Variants in KIAA1958 observed in about 807,000 individuals in gnomAD.
KIAA1958 encodes the protein KIAA1958.
A neutral mutation model predicts 47.2 loss-of-function variants in KIAA1958; 14 were observed. The observed-to-expected ratio is 0.30, with a 90% CI of 0.20 to 0.46. The LOEUF is 0.46. Among genes scored for constraint, KIAA1958 ranks in the 20% least tolerant of loss-of-function variants. The pLI is 1.00. For synonymous variants in KIAA1958, 354 were observed against 353.3 expected (o/e 1.00, Z -0.02); for missense variants, 803 against 909.2 (o/e 0.88, Z 1.50).
chr9:112,537,482 A>G (rs1834876225), intron 1 of KIAA1958, among the ~76,000 whole-genome samples: 1 of 152,268 alleles, frequency 6.6e-6, no homozygotes, highest in Admixed American at 6.5e-5. Flanking sequence ...CAGTAAGGCT[A>G]AGATAGACAA....
Position 112,659,734 on chromosome 9 carries a change from C to T in KIAA1958, c.1816C>T (p.Arg606Trp), listed in dbSNP as rs1285456723. ...GACGGACAGCGTCAAGCGGGAGAGT[C>T]GGAGCGGCTCCACCAGAGTGTGTCA... ...ARTDSVKRES[R>W]SGSTRVCHGK... is the part of the protein sequence containing the mutation. The change falls in exon 4 of 4, where the codon CGG becomes TGG. Residue 606 changes from arginine (R) to tryptophan (W), a missense_variant. Physicochemically the swap from Arg to Trp is moderately radical, Grantham distance 101 (BLOSUM62 -3). This residue lies in a region of KIAA1958 where 761 missense variants were observed against 829.3 expected (regional missense o/e 0.92). Transcript: ENST00000337530. 1.9e-6 allele frequency: 3 copies of T among 1,614,158 alleles called. No individual in the cohort carries two copies. The highest frequency in any genetic ancestry group is 1.7e-5 in the Admixed American group (1 of 60,026).
intron 1 of KIAA1958, among the ~76,000 whole-genome samples, chr9:112,565,319 G>C (rs147557896): frequency 1.3e-5 from 2 of 152,274 alleles, no homozygotes; most frequent in East Asian, 3.9e-4. Context: ...GCCTAGGCTG[G>C]TCTCAAACCC....
rs141783982 is a variant in KIAA1958, at chr9:112,633,208, T to C, written c.1172-12442T>C. Among the ~76,000 whole-genome samples, 237 of 151,220 alleles carry C rather than the reference T, an allele frequency of 1.6e-3. 1 individual carries two copies. Among genetic ancestry groups the C allele is most frequent in the African/African-American group, 5.6e-3 (231 of 41,394 alleles). ...AAATTACAGTGGTGTTATGATACTT[T>C]TTTTTTTTTTTAGGGCAACTCCTCC... is the stretch of plus-strand genomic sequence containing the variant. On this transcript the variant is annotated intron_variant, in intron 2 of 3. Transcript: ENST00000337530.
rs775784006 is a variant in KIAA1958, at chr9:112,574,394, G to A, written c.314G>A (p.Arg105Lys). Reference protein sequence around the residue: ...QTSPVERYPGRPVKAKLDCNR... With the variant: ...QTSPVERYPGKPVKAKLDCNR... ...AGCCCTGTTGAAAGGTACCCTGGGA[G>A]ACCAGTGAAAGCAAAGCTAGACTGT... The change falls in exon 2 of 4, where the codon AGA (arginine) becomes AAA (lysine). Residue 105 changes from arginine to lysine, a missense_variant. Coordinates refer to ENST00000337530, the MANE Select transcript of KIAA1958 (RefSeq NM_133465.4). 2 of 1,614,148 alleles carry A rather than the reference G, an allele frequency of 1.2e-6. No individual in the cohort carries two copies. Among genetic ancestry groups the A allele is most frequent in the Non-Finnish European group, 1.7e-6 (2 of 1,180,008 alleles).
At position 112,660,189 on chromosome 9, in the gene KIAA1958, C is replaced by G; in HGVS notation, c.*120C>G. The G allele has an allele frequency of 1.3e-6, 1 of 790,772 alleles. No individual in the cohort carries two copies. The highest frequency in any genetic ancestry group is 2.0e-6 in the Non-Finnish European group (1 of 494,128). The allele number at this position is 790,772 out of a possible 1,614,324, so 49.0% of individuals were successfully genotyped here. ...GTGACCTCCCGGTCTGGCGGCTCTC[C>G]CCTGGTGTGGCCTGCCCTCCCTTTG... On this transcript the variant is annotated 3_prime_UTR_variant, in exon 4 of 4. Transcript: ENST00000337530.
chr9:112,659,748 C>T lies in KIAA1958; in HGVS notation c.1830C>T (p.Thr610=). Residue 610 remains threonine, a synonymous_variant, in exon 4 of 4, where the codon ACC becomes ACT. Transcript: ENST00000337530. ...AGCGGGAGAGTCGGAGCGGCTCCAC[C>T]AGAGTGTGTCACGGGAAGATCTACC... is the stretch of plus-strand genomic sequence containing the variant. ...SVKRESRSGS[T]RVCHGKIYHE... The T allele has an allele frequency of 1.2e-6, 2 of 1,614,194 alleles. No individual in the cohort carries two copies. The highest frequency in any genetic ancestry group is 1.7e-6 in the Non-Finnish European group (2 of 1,180,022).
At chr9:112,600,238 A>C (rs1473020244) in intron 2 of KIAA1958, among the ~76,000 whole-genome samples, 1 of 152,142 alleles carries the variant, frequency 6.6e-6, no homozygotes, top group Non-Finnish European at 1.5e-5. Flanking sequence ...CGCACCTGTC[A>C]TCTGGTCTCC....
chr9:112,613,631 A>G (rs1836364435), intron 2 of KIAA1958, among the ~76,000 whole-genome samples: 1 of 76,524 alleles, frequency 1.3e-5, no homozygotes. Context: ...CTACAAACAG[A>G]AAAAAGCAGA....
chr9:112,575,745 G>A lies in KIAA1958; in HGVS notation c.1171+494G>A, dbSNP rs374203467. 1.2e-4 allele frequency among the ~76,000 whole-genome samples: 19 copies of A among 152,074 alleles called. No homozygotes were observed. In the East Asian group the frequency reaches 2.7e-3, roughly 22 times the overall value. Reference sequence around the variant, plus strand: ...TGGTAGTTAATAAGTATTTTAAAAAGCAATGTACATTTCTAAAAGAGGTAT... The same window carrying A: ...TGGTAGTTAATAAGTATTTTAAAAAACAATGTACATTTCTAAAAGAGGTAT... On this transcript the variant is annotated intron_variant, in intron 2 of 3. Coordinates refer to ENST00000337530, the MANE Select transcript of KIAA1958 (RefSeq NM_133465.4).
At chr9:112,549,640 A>T (rs4979134) in intron 1 of KIAA1958, among the ~76,000 whole-genome samples, 1 of 152,212 alleles carries the variant, frequency 6.6e-6, no homozygotes, top group Admixed American at 6.5e-5. Context: ...AGACATTTAA[A>T]TAGGGTAACA....
chr9:112,520,350 A>G (rs1158490092), intron 1 of KIAA1958, among the ~76,000 whole-genome samples: 3 of 152,240 alleles, frequency 2.0e-5, no homozygotes, highest in Non-Finnish European at 4.4e-5. Context: ...GATATATTGC[A>G]TTAGTTCTGC....
At chr9:112,656,628 G>C (rs1693405) in intron 3 of KIAA1958, among the ~76,000 whole-genome samples, 52 of 152,084 alleles carry the variant, frequency 3.4e-4, no homozygotes, top group Admixed American at 1.3e-4. Flanking sequence ...ATTTGGGCTA[G>C]AAAAAAATGA....
chr9:112,659,855 T>TG lies in KIAA1958; in HGVS notation c.1939dup (p.Glu647GlyfsTer23), dbSNP rs765044282. On this transcript the variant is annotated frameshift_variant, in exon 4 of 4. Transcript: ENST00000337530. LOFTEE classifies it high-confidence loss of function. Reference sequence around the variant, plus strand: ...TACATCCACCGGCCGCCCACCCAAATGGAGGCCAAGTCCCCCTTCTACCTG... The same window carrying TG: ...TACATCCACCGGCCGCCCACCCAAATGGGAGGCCAAGTCCCCCTTCTACCTG... 6 of 1,613,892 alleles carry TG rather than the reference T, an allele frequency of 3.7e-6. No homozygotes were observed. The South Asian group carries it at 6.6e-5, about 18-fold the overall frequency.
At chr9:112,563,085 C>CTCTCTCTATATA (rs10655286) in intron 1 of KIAA1958, among the ~76,000 whole-genome samples, 58 of 131,554 alleles carry the variant, frequency 4.4e-4, no homozygotes, top group African/African-American at 1.3e-3. Flanking sequence ...CTCTCTCTCT[C>CTCTCTCTATATA]TATATATATA....
intron 1 of KIAA1958, among the ~76,000 whole-genome samples, chr9:112,527,061 T>A (rs956369416): frequency 2.0e-5 from 3 of 152,246 alleles, no homozygotes; most frequent in Non-Finnish European, 2.9e-5. Flanking sequence ...AAGACACATT[T>A]GTACTTTTAT....
At chr9:112,641,332 T>C (rs1255256559) in intron 2 of KIAA1958, among the ~76,000 whole-genome samples, 1 of 151,192 alleles carries the variant, frequency 6.6e-6, no homozygotes, top group Non-Finnish European at 1.5e-5. Context: ...TATGTCTTTT[T>C]TTTTTTTTTT....
Position 112,574,920 on chromosome 9 carries a change from T to A in KIAA1958, c.840T>A (p.Ile280=). The A allele has an allele frequency of 6.2e-7, 1 of 1,614,044 alleles. No individual in the cohort carries two copies. The highest frequency in any genetic ancestry group is 8.5e-7 in the Non-Finnish European group (1 of 1,179,958). The change falls in exon 2 of 4, where the codon ATT becomes ATA. Residue 280 remains isoleucine (I), a synonymous_variant. Transcript: ENST00000337530. ...CCCCCTCTGTGATCTCCAGACCAATTGTCCAGAAGACTGCTAGGGTATCTC... is the reference window on the plus strand; with the variant it reads ...CCCCCTCTGTGATCTCCAGACCAATAGTCCAGAAGACTGCTAGGGTATCTC... ...SASPSVISRP[I]VQKTARVSLA...
At chr9:112,558,673 A>T (rs1445833182) in intron 1 of KIAA1958, among the ~76,000 whole-genome samples, 1 of 152,176 alleles carries the variant, frequency 6.6e-6, no homozygotes, top group Non-Finnish European at 1.5e-5. Context: ...CAACATTGTC[A>T]CTGACTCACC....
intron 2 of KIAA1958, among the ~76,000 whole-genome samples, chr9:112,590,794 C>G (rs1835907752): frequency 6.6e-6 from 1 of 152,146 alleles, no homozygotes; most frequent in South Asian, 2.1e-4. Flanking sequence ...GAATAAAGTT[C>G]AGGCATTTTC....
Sources: gnomAD v4.1 joint callset for allele counts (sites outside exome capture counted in the v4.1 genomes callset) on GRCh38, gnomAD v4.1.1 for gene constraint, gnomAD v4.1.1 regional missense constraint, MANE v1.5 for transcripts, NCBI Gene and HGNC (gene_info 2026-07-23, HGNC 2026-07-21) for gene names.